The following RNMT variants were observed in gnomAD, a reference collection of about 807,000 sequenced individuals.
RNMT encodes mRNA cap guanine-N(7) methyltransferase.
A neutral mutation model predicts 56.0 loss-of-function variants in RNMT; 27 were observed. That is an observed-to-expected ratio of 0.48 (90% CI 0.36 to 0.67). RNMT has a LOEUF of 0.67. RNMT is among the 30% of genes least tolerant of loss of function. The pLI, the probability that RNMT is intolerant of heterozygous loss-of-function variation, is 0.00. For missense variants in RNMT, 519 were observed against 552.1 expected (o/e 0.94, Z 0.60); for synonymous variants, 184 against 176.2 (o/e 1.04, Z -0.35).
intron 7 of RNMT, 151 bp from the exon 8 acceptor site, chr18:13,742,337 T>TA (rs34718591): frequency 0.057 from 28,308 of 498,060 alleles, 48 homozygotes; most frequent in East Asian, 0.076. Flanking sequence ...CTTGTCACTT[T>TA]AAAAAAAAAA....
At chr18:13,749,088 A>C (rs935655903) in intron 9 of RNMT, among the ~76,000 whole-genome samples, 6 of 152,202 alleles carry the variant, frequency 3.9e-5, no homozygotes, top group African/African-American at 1.4e-4. Context: ...TCAAAAAATA[A>C]AATCAATTTT....
Position 13,761,856 on chromosome 18 carries a change from C to CCCCCCCCA in RNMT, c.*1877_*1878insCCCCCCCA. On this transcript the variant is annotated 3_prime_UTR_variant, in exon 12 of 12. Coordinates refer to ENST00000383314, the MANE Select transcript of RNMT (RefSeq NM_003799.3). ...CCACCACCCTACACCCCCCTCCCCC[C>CCCCCCCCA]GGCCCCAAGCCCCTGTGTCTCCTTG... 5.4e-6 allele frequency: 6 copies of CCCCCCCCA among 1,109,886 alleles called. No individual in the cohort carries two copies. Among genetic ancestry groups the CCCCCCCCA allele is most frequent in the Admixed American group, 4.7e-5 (1 of 21,454 alleles). 68.8% of individuals were successfully genotyped at this position (1,109,886 alleles called of 1,614,324 possible).
intron 10 of RNMT, among the ~76,000 whole-genome samples, chr18:13,753,721 A>G (rs1283062674): frequency 6.6e-6 from 1 of 151,968 alleles, no homozygotes; most frequent in Non-Finnish European, 1.5e-5. Flanking sequence ...CAGTGAGCCA[A>G]GATCACGCCA....
chr18:13,728,358 C>T (rs1446546673), intron 1 of RNMT, among the ~76,000 whole-genome samples: 2 of 118,348 alleles, frequency 1.7e-5, no homozygotes, highest in East Asian at 5.5e-4. Context: ...GTGTGTGTGA[C>T]GGAGCCTTGC....
chr18:13,742,678 C>G (rs1316227415), intron 8 of RNMT, 26 bp downstream of exon 8: 1 of 1,550,898 alleles, frequency 6.4e-7, no homozygotes, highest in South Asian at 1.2e-5. Context: ...TCTGTTCACT[C>G]TTTTCTTTTT....
Position 13,730,156 on chromosome 18 carries a change from T to G in RNMT, c.-171-471T>G, listed in dbSNP as rs2044041903. Among the ~76,000 whole-genome samples the G allele has an allele frequency of 3.9e-5, 6 of 152,232 alleles. No homozygotes were observed. In the South Asian group the frequency reaches 1.2e-3, roughly 31 times the overall value. Reference sequence around the variant, plus strand: ...CTTGAAAACATGATTTACATTGAGCTTCTCCATAGTAGGAGGTCACTAAAT... The same window carrying G: ...CTTGAAAACATGATTTACATTGAGCGTCTCCATAGTAGGAGGTCACTAAAT... On this transcript the variant is annotated intron_variant, in intron 1 of 11. Transcript: ENST00000383314.
rs1555794897 is a variant in RNMT, at chr18:13,744,156, C to CTTTTTTTTTTTTTTTTTT, written c.1139+1506_1139+1507insTTTTTTTTTTTTTTTTTT. Among the ~76,000 whole-genome samples, 9 of 25,952 alleles carry CTTTTTTTTTTTTTTTTTT rather than the reference C, an allele frequency of 3.5e-4. 2 individuals carry two copies. Among genetic ancestry groups the CTTTTTTTTTTTTTTTTTT allele is most frequent in the African/African-American group, 1.2e-3 (8 of 6,686 alleles). The allele number at this position is 25,952 out of a possible 152,430, so 17.0% of individuals were successfully genotyped here. Reference sequence around the variant, plus strand: ...TAAATGCTAAACAAGACCTAGCGGTCTTCTTTTTTTTTTTTTTTTTTTTTT... The same window carrying CTTTTTTTTTTTTTTTTTT: ...TAAATGCTAAACAAGACCTAGCGGTCTTTTTTTTTTTTTTTTTTTTCTTTTTTTTTTTTTTTTTTTTTT... On this transcript the variant is annotated intron_variant, in intron 8 of 11. Coordinates refer to ENST00000383314, the MANE Select transcript of RNMT (RefSeq NM_003799.3).
chr18:13,733,927 G>A (rs141607159), intron 3 of RNMT, among the ~76,000 whole-genome samples: 2 of 152,276 alleles, frequency 1.3e-5, no homozygotes, highest in Admixed American at 6.5e-5. Flanking sequence ...AAGGTGATAT[G>A]GTTTGGGTGT....
chr18:13,731,654 A>G lies in RNMT; in HGVS notation c.137A>G (p.Lys46Arg). The G allele has an allele frequency of 1.9e-6, 3 of 1,614,158 alleles. No individual in the cohort carries two copies. Among genetic ancestry groups the G allele is most frequent in the African/African-American group, 1.3e-5 (1 of 75,064 alleles). ...GCTTCTGGGACTGGGCTTTCTGAAAAGACTTCTGTCTGTAGGCAAGTAGAC... is the reference window on the plus strand; with the variant it reads ...GCTTCTGGGACTGGGCTTTCTGAAAGGACTTCTGTCTGTAGGCAAGTAGAC... ...TTASGTGLSE[K>R]TSVCRQVDIA... Residue 46 changes from lysine (K) to arginine (R), a missense_variant, in exon 3 of 12, where the codon AAG becomes AGG. Coordinates refer to ENST00000383314, the MANE Select transcript of RNMT (RefSeq NM_003799.3).
At chr18:13,733,533 ATGCC>A (rs2149084375) in intron 3 of RNMT, among the ~76,000 whole-genome samples, 1 of 152,178 alleles carries the variant, frequency 6.6e-6, no homozygotes, top group East Asian at 1.9e-4. Context: ...GTGCACCACC[ATGCC>A]CAGCTAATTT....
At chr18:13,738,261 G>C (rs1036321113) in intron 5 of RNMT, among the ~76,000 whole-genome samples, 4 of 152,130 alleles carry the variant, frequency 2.6e-5, no homozygotes, top group African/African-American at 9.7e-5. Context: ...GGAAATTAAA[G>C]CTGAGAATTT....
At position 13,761,843 on chromosome 18, in the gene RNMT, A is replaced by ACCCCCCACCCCCCCC; in HGVS notation, c.*1870_*1871insACCCCCCCCCCCCCC. On this transcript the variant is annotated 3_prime_UTR_variant, in exon 12 of 12. Transcript: ENST00000383314. Reference sequence around the variant, plus strand: ...ATCAGTTCTTCCTCCACCACCCTACACCCCCCTCCCCCCGGCCCCAAGCCC... The same window carrying ACCCCCCACCCCCCCC: ...ATCAGTTCTTCCTCCACCACCCTACACCCCCCACCCCCCCCCCCCCCTCCCCCCGGCCCCAAGCCC... The ACCCCCCACCCCCCCC allele has an allele frequency of 8.7e-7, 1 of 1,149,686 alleles. No individual in the cohort carries two copies. Among genetic ancestry groups the ACCCCCCACCCCCCCC allele is most frequent in the Non-Finnish European group, 1.1e-6 (1 of 920,686 alleles). The allele number at this position is 1,149,686 out of a possible 1,614,324, so 71.2% of individuals were successfully genotyped here.
At position 13,760,050 on chromosome 18, in the gene RNMT, T is replaced by C. The variant is rs2044600694; in HGVS notation, c.*71T>C. ...AATTTGAACAACTCATCTCGATATA[T>C]TTGATATTTCTCTGTCTGTTGATTT... is the stretch of plus-strand genomic sequence containing the variant. On this transcript the variant is annotated 3_prime_UTR_variant, in exon 12 of 12. Transcript: ENST00000383314. The C allele has an allele frequency of 2.7e-5, 42 of 1,570,870 alleles. 1 individual carries two copies. The South Asian group carries it at 4.7e-4, about 18-fold the overall frequency.
At chr18:13,728,239 C>T (rs1378802227) in intron 1 of RNMT, among the ~76,000 whole-genome samples, 1 of 147,322 alleles carries the variant, frequency 6.8e-6, no homozygotes, top group Non-Finnish European at 1.5e-5. Context: ...TGCTAATTTA[C>T]GTTCTCCCTA....
intron 4 of RNMT, 78 bp downstream of exon 4, chr18:13,734,677 G>C: frequency 8.0e-7 from 1 of 1,252,110 alleles, no homozygotes; most frequent in Non-Finnish European, 1.1e-6. Flanking sequence ...TAAAGCTAGA[G>C]CCAAGACTAG....
Position 13,746,321 on chromosome 18 carries a change from G to T in RNMT, c.1241G>T (p.Arg414Leu). 3.3e-6 allele frequency: 5 copies of T among 1,537,356 alleles called. No individual in the cohort carries two copies. Among genetic ancestry groups the T allele is most frequent in the South Asian group, 1.2e-5 (1 of 85,946 alleles). ...AATGAAAATAAAATGCTCTTAAAACGAATGCAGGCCTTGGAGGTGAGTATT... is the reference window on the plus strand; with the variant it reads ...AATGAAAATAAAATGCTCTTAAAACTAATGCAGGCCTTGGAGGTGAGTATT... ...KNNENKMLLK[R>L]MQALEPYPAN... The change falls in exon 9 of 12, where the codon CGA becomes CTA. Residue 414 changes from arginine to leucine, a missense_variant. Coordinates refer to ENST00000383314, the MANE Select transcript of RNMT (RefSeq NM_003799.3).
chr18:13,761,695 G>C lies in RNMT; in HGVS notation c.*1716G>C. On this transcript the variant is annotated 3_prime_UTR_variant, in exon 12 of 12. Coordinates refer to ENST00000383314, the MANE Select transcript of RNMT (RefSeq NM_003799.3). ...AGGAGCAGAGAGCAAGATTAGATCT[G>C]AGAAGATGCTCTGGGGACTGAGCCC... 1 of 1,075,992 alleles carries C rather than the reference G, an allele frequency of 9.3e-7. No homozygotes were observed. The highest frequency in any genetic ancestry group is 1.7e-5 in the African/African-American group (1 of 58,796). 66.7% of individuals were successfully genotyped at this position (1,075,992 alleles called of 1,614,324 possible).
chr18:13,749,305 G>A (rs1372936527), intron 9 of RNMT, among the ~76,000 whole-genome samples: 7 of 152,158 alleles, frequency 4.6e-5, no homozygotes, highest in Admixed American at 4.6e-4. Flanking sequence ...ACAATATGTG[G>A]AATTAAAGTT....
rs764265276 is a variant in RNMT, at chr18:13,759,922, C to G, written c.1394-20C>G. ...TTGTAATCATATGAGAAACTGAACT[C>G]TTATTTATTTCTTCTTTAGGTATTT... is the stretch of plus-strand genomic sequence containing the variant. On this transcript the variant is annotated intron_variant, in intron 11 of 11. Coordinates refer to ENST00000383314, the MANE Select transcript of RNMT (RefSeq NM_003799.3). The G allele has an allele frequency of 2.5e-6, 4 of 1,590,086 alleles. No individual in the cohort carries two copies. Among genetic ancestry groups the G allele is most frequent in the East Asian group, 2.2e-5 (1 of 44,664 alleles).
Sources: allele counts gnomAD v4.1 joint callset (sites outside exome capture counted in the v4.1 genomes callset), GRCh38; gene constraint gnomAD v4.1.1; transcripts MANE v1.5; gene names NCBI Gene and HGNC (gene_info 2026-07-23, HGNC 2026-07-21).